Variants in USP10 observed in about 807,000 individuals in gnomAD.
USP10 encodes the protein ubiquitin carboxyl-terminal hydrolase 10.
Under a neutral mutation model 84.5 loss-of-function variants are expected in USP10, and 22 were observed. The observed-to-expected ratio is 0.26, with a 90% confidence interval of 0.19 to 0.37. The LOEUF (loss-of-function observed/expected upper bound fraction) is 0.37. Ranked by LOEUF, USP10 falls within the 10% of genes least tolerant of loss-of-function variation. The pLI is 1.00. For synonymous variants in USP10, 454 were observed against 387.6 expected (o/e 1.17, Z -2.01); for missense variants, 1,019 against 998.9 (o/e 1.02, Z -0.27).
At chr16:84,755,213 G>A (rs1453948191) in intron 4 of USP10, among the ~76,000 whole-genome samples, 1 of 151,474 alleles carries the variant, frequency 6.6e-6, no homozygotes, top group Non-Finnish European at 1.5e-5. Context: ...AAACAGGAAT[G>A]AACATGTTCA....
At chr16:84,770,038 G>T (rs1362920305) in intron 11 of USP10, among the ~76,000 whole-genome samples, 5 of 152,042 alleles carry the variant, frequency 3.3e-5, no homozygotes, top group Admixed American at 1.3e-4. Flanking sequence ...GAGCCCAACA[G>T]TTGGAGGCTG....
At chr16:84,763,501 A>T (rs1157434663) in intron 9 of USP10, among the ~76,000 whole-genome samples, 1 of 152,248 alleles carries the variant, frequency 6.6e-6, no homozygotes, top group Non-Finnish European at 1.5e-5. Context: ...TGCAGCTAAC[A>T]GTTTAGTTCA....
At position 84,744,894 on chromosome 16, in the gene USP10, A is replaced by G. The variant is rs774930646; in HGVS notation, c.413A>G (p.Asp138Gly). The G allele has an allele frequency of 5.0e-6, 8 of 1,609,420 alleles. No homozygotes were observed. The South Asian group carries it at 6.6e-5, about 13-fold the overall frequency. The change falls in exon 4 of 14, where the codon GAT (aspartate) becomes GGT (glycine). Residue 138 changes from aspartate (D) to glycine (G), a missense_variant. By Grantham distance (94) the Asp-to-Gly change is moderately conservative. Around this residue, in one of 2 missense-constraint regions of USP10, gnomAD observed 787 missense variants for 708.8 expected, o/e 1.11. Coordinates refer to ENST00000219473, the MANE Select transcript of USP10 (RefSeq NM_005153.3). ...GTGGAGGCGGAAGTTTTGGAAAATG[A>G]TGGTGTCTCAGGTGGTCTTGGACAA... ...SNVEAEVLEN[D>G]GVSGGLGQRE...
intron 1 of USP10, among the ~76,000 whole-genome samples, chr16:84,712,614 G>A (rs111235520): frequency 1.2e-3 from 187 of 152,280 alleles, no homozygotes; most frequent in African/African-American, 4.3e-3. Flanking sequence ...GCAAGACCCC[G>A]AGGGGCAGAT....
At chr16:84,743,782 T>C (rs1333642841) in intron 3 of USP10, among the ~76,000 whole-genome samples, 1 of 152,246 alleles carries the variant, frequency 6.6e-6, no homozygotes, top group African/African-American at 2.4e-5. Flanking sequence ...GAATGAATTA[T>C]GTGGATTGTG....
chr16:84,724,675 T>A (rs936314191), intron 1 of USP10, among the ~76,000 whole-genome samples: 14 of 152,220 alleles, frequency 9.2e-5, no homozygotes, highest in African/African-American at 3.4e-4. Context: ...TAGTTCAGCT[T>A]GCAGTTGGCT....
At chr16:84,772,145 G>A (rs1914520849) in intron 11 of USP10, among the ~76,000 whole-genome samples, 2 of 152,072 alleles carry the variant, frequency 1.3e-5, no homozygotes, top group Admixed American at 6.6e-5. Context: ...TCTACCTCCT[G>A]GGTTCAAGGG....
In USP10 at chr16:84,775,140, A is replaced by G. The variant is rs372006668; in HGVS notation, c.2144-20A>G. 7 of 1,612,342 alleles carry G rather than the reference A, an allele frequency of 4.3e-6. No homozygotes were observed. In the African/African-American group the frequency reaches 6.7e-5, roughly 15 times the overall value. ...AACCTTTCTAAAAGTGCTTCAAGCC[A>G]TTGATATTTTGTTTTCCAGAACTGC... On this transcript the variant is annotated intron_variant, in intron 12 of 13. Coordinates refer to ENST00000219473, the MANE Select transcript of USP10 (RefSeq NM_005153.3).
intron 4 of USP10, 120 bp downstream of exon 4, chr16:84,745,793 T>C: frequency 9.7e-7 from 1 of 1,027,790 alleles, no homozygotes. Flanking sequence ...TAGCAACGTC[T>C]GAAGGATGCC....
intron 3 of USP10, among the ~76,000 whole-genome samples, chr16:84,741,108 G>C (rs934942167): frequency 6.6e-6 from 1 of 152,220 alleles, no homozygotes; most frequent in Non-Finnish European, 1.5e-5. Flanking sequence ...TAGAGGTTTG[G>C]ATTCCCTGTT....
chr16:84,751,092 G>A (rs922775090), intron 4 of USP10, among the ~76,000 whole-genome samples: 2 of 152,224 alleles, frequency 1.3e-5, no homozygotes, highest in African/African-American at 4.8e-5. Flanking sequence ...GGTCCCATAA[G>A]ATTATAATGG....
At chr16:84,727,150 A>G (rs1319409404) in intron 1 of USP10, among the ~76,000 whole-genome samples, 2 of 152,104 alleles carry the variant, frequency 1.3e-5, no homozygotes, top group African/African-American at 4.8e-5. Context: ...AGAAACGATG[A>G]ACTTACTCGT....
intron 1 of USP10, among the ~76,000 whole-genome samples, chr16:84,708,597 C>A (rs4783055): frequency 0.7 from 106,577 of 152,118 alleles, 37,597 homozygotes; most frequent in East Asian, 0.86. Flanking sequence ...GGGTAATTCA[C>A]CTGAATTTTT....
chr16:84,759,614 A>T (rs1912966725), intron 6 of USP10, 142 bp downstream of exon 6: 1 of 801,780 alleles, frequency 1.2e-6, no homozygotes, highest in African/African-American at 1.7e-5. Context: ...ACTGTTGGCG[A>T]TTTTATATGG....
At chr16:84,757,696 A>G (rs1316825662) in intron 4 of USP10, among the ~76,000 whole-genome samples, 1 of 151,922 alleles carries the variant, frequency 6.6e-6, no homozygotes, top group African/African-American at 2.4e-5. Flanking sequence ...GGGTTATATG[A>G]TTAGTATACA....
chr16:84,703,876 C>A (rs1400562498), intron 1 of USP10, among the ~76,000 whole-genome samples: 1 of 152,168 alleles, frequency 6.6e-6, no homozygotes, highest in Non-Finnish European at 1.5e-5. Context: ...CACTGAAATT[C>A]CAGTGAATAC....
At chr16:84,713,578 C>T (rs1195211860) in intron 1 of USP10, among the ~76,000 whole-genome samples, 2 of 152,182 alleles carry the variant, frequency 1.3e-5, no homozygotes. Context: ...TTGTTCACTG[C>T]TGGGGCCCCT....
At chr16:84,705,152 A>C (rs551996137) in intron 1 of USP10, among the ~76,000 whole-genome samples, 1 of 152,138 alleles carries the variant, frequency 6.6e-6, no homozygotes, top group African/African-American at 2.4e-5. Flanking sequence ...ATGGCTCAGG[A>C]GTCTCAAAAC....
intron 4 of USP10, among the ~76,000 whole-genome samples, chr16:84,746,637 C>T (rs1056255625): frequency 6.6e-6 from 1 of 152,148 alleles, no homozygotes; most frequent in African/African-American, 2.4e-5. Context: ...ATGGAGCTTG[C>T]AAGACTGGAG....
Sources: gnomAD v4.1 joint callset for allele counts (sites outside exome capture counted in the v4.1 genomes callset) on GRCh38, gnomAD v4.1.1 for gene constraint, gnomAD v4.1.1 regional missense constraint, MANE v1.5 for transcripts, NCBI Gene and HGNC (gene_info 2026-07-23, HGNC 2026-07-21) for gene names.